The following ASS1 variants were observed in gnomAD, a reference collection of about 807,000 sequenced individuals.
ASS1 encodes the protein argininosuccinate synthase.
Under a neutral mutation model 60.5 loss-of-function variants are expected in ASS1, and 58 were observed. The ratio of observed to expected loss-of-function variants is 0.96; its 90% confidence interval spans 0.78 to 1.19. ASS1 has a LOEUF of 1.19. Among genes scored for constraint, ASS1 ranks in the 50% most tolerant of loss-of-function variants. ASS1 has a pLI of 0.00. For synonymous variants in ASS1, 200 were observed against 206.9 expected, an observed-to-expected ratio of 0.97 and a Z score of 0.29; for missense variants, 454 against 547.3, an observed-to-expected ratio of 0.83 and a Z score of 1.70.
intron 4 of ASS1, among the ~76,000 whole-genome samples, chr9:130,461,578 T>G (rs1359138416): frequency 6.6e-6 from 1 of 152,184 alleles, no homozygotes; most frequent in Non-Finnish European, 1.5e-5. Context: ...AGGTGCTACC[T>G]GGCACAGCCA....
chr9:130,475,355 T>A (rs182251800), intron 8 of ASS1, among the ~76,000 whole-genome samples: 1 of 152,284 alleles, frequency 6.6e-6, no homozygotes. Flanking sequence ...TTAAAAAATA[T>A]ATATATACTA....
At chr9:130,498,156 C>G (rs901044762) in intron 13 of ASS1, among the ~76,000 whole-genome samples, 5 of 152,298 alleles carry the variant, frequency 3.3e-5, no homozygotes, top group African/African-American at 1.2e-4. Flanking sequence ...GCAGAGACCT[C>G]ATTTGTTCTT....
intron 5 of ASS1, among the ~76,000 whole-genome samples, chr9:130,464,714 A>G (rs1588481329): frequency 6.6e-6 from 1 of 151,894 alleles, no homozygotes; most frequent in Non-Finnish European, 1.5e-5. Flanking sequence ...GTGGCATGTC[A>G]CCCAGGCAGG....
intron 8 of ASS1, among the ~76,000 whole-genome samples, chr9:130,473,351 T>A (rs1304282128): frequency 6.6e-6 from 1 of 152,158 alleles, no homozygotes; most frequent in Non-Finnish European, 1.5e-5. Flanking sequence ...GGTCCCATGC[T>A]ACCTCTTCAT....
rs780436694 is a variant in ASS1, at chr9:130,470,868, A to G, written c.530A>G (p.Asn177Ser). 19 of 1,614,032 alleles carry G rather than the reference A, an allele frequency of 1.2e-5. 1 individual carries two copies. In the South Asian group the frequency reaches 2.0e-4, roughly 17 times the overall value. The change falls in exon 7 of 15, where the codon AAC (asparagine) becomes AGC (serine). Residue 177 changes from asparagine to serine, a missense_variant. By Grantham distance (46) the Asn-to-Ser change is conservative. Coordinates refer to ENST00000352480, the MANE Select transcript of ASS1 (RefSeq NM_054012.4). This position sits in a 1 kb window ranked among gnomAD's most constrained non-coding sequence, Gnocchi z 4.3. ...ATTCCCATCCCGGTCACTCCCAAGA[A>G]CCCGTGGAGCATGGATGAGAACCTC... is the stretch of plus-strand genomic sequence containing the variant. Reference protein sequence around the residue: ...HGIPIPVTPKNPWSMDENLMH... With the variant: ...HGIPIPVTPKSPWSMDENLMH...
chr9:130,485,965 T>C lies in ASS1; in HGVS notation c.839-3368T>C, dbSNP rs761909042. 1.4e-4 allele frequency among the ~76,000 whole-genome samples: 22 copies of C among 152,264 alleles called. No homozygotes were observed. In the East Asian group the frequency reaches 3.3e-3, roughly 23 times the overall value. Reference sequence around the variant, plus strand: ...TCTGGTGGCTTTTTTGGCACTGTCATGTTTGTGTGCGGTCATCATGTTTTG... The same window carrying C: ...TCTGGTGGCTTTTTTGGCACTGTCACGTTTGTGTGCGGTCATCATGTTTTG... On this transcript the variant is annotated intron_variant, in intron 11 of 14. Coordinates refer to ENST00000352480, the MANE Select transcript of ASS1 (RefSeq NM_054012.4).
chr9:130,495,573 G>T, intron 13 of ASS1, among the ~76,000 whole-genome samples: 1 of 151,824 alleles, frequency 6.6e-6, no homozygotes, highest in East Asian at 1.9e-4. Flanking sequence ...GGAGTTAACA[G>T]GTGAATGGGG....
intron 1 of ASS1, among the ~76,000 whole-genome samples, chr9:130,451,351 G>A (rs1845321380): frequency 6.6e-6 from 1 of 152,190 alleles, no homozygotes; most frequent in South Asian, 2.1e-4. Flanking sequence ...AAGGGCCGCT[G>A]GTTGCAGAGG....
At chr9:130,453,488 G>A (rs1397803854) in intron 2 of ASS1, among the ~76,000 whole-genome samples, 2 of 152,276 alleles carry the variant, frequency 1.3e-5, no homozygotes, top group East Asian at 1.9e-4. Context: ...CAGTCACCTG[G>A]TGGGTGAGAG....
rs1464044573 is a variant in ASS1 at position 130,458,496 on chromosome 9, C to T, written c.270C>T (p.Gly90=). The change falls in exon 4 of 15, where the codon GGC becomes GGT. Residue 90 remains glycine, a synonymous_variant. Coordinates refer to ENST00000352480, the MANE Select transcript of ASS1 (RefSeq NM_054012.4). ...SALYEDRYLL[G]TSLARPCIAR... ...TGTATGAGGACCGCTACCTCCTGGG[C>T]ACCTCTCTTGCCAGGCCCTGCATCG... 6 of 1,612,718 alleles carry T rather than the reference C, an allele frequency of 3.7e-6. No homozygotes were observed. Among genetic ancestry groups the T allele is most frequent in the Middle Eastern group, 1.9e-4 (1 of 5,136 alleles).
chr9:130,471,497 A>G lies in ASS1; in HGVS notation c.579A>G (p.Gly193=). The G allele has an allele frequency of 6.2e-7, 1 of 1,614,120 alleles. No homozygotes were observed. Among genetic ancestry groups the G allele is most frequent in the Non-Finnish European group, 8.5e-7 (1 of 1,179,984 alleles). ...TTCCCCTCCGCAGCTACGAGGCTGG[A>G]ATCCTGGAGAACCCCAAGGTAATCC... ...ENLMHISYEA[G]ILENPKNQAP... The change falls in exon 8 of 15, where the codon GGA becomes GGG. Residue 193 remains glycine (G), a synonymous_variant. Coordinates refer to ENST00000352480, the MANE Select transcript of ASS1 (RefSeq NM_054012.4).
At chr9:130,466,003 G>A (rs1289348971) in intron 5 of ASS1, among the ~76,000 whole-genome samples, 1 of 152,198 alleles carries the variant, frequency 6.6e-6, no homozygotes, top group Non-Finnish European at 1.5e-5. Context: ...TAGGGCTGTG[G>A]TCTTCCCATG....
rs2131879680 is a variant in ASS1 at position 130,464,113 on chromosome 9, G to T, written c.366G>T (p.Gly122=). The stretch of plus-strand genomic sequence containing the variant: ...CAGCCCTCTGTTCTGCATTGCAGGG[G>T]AACGATCAGGTCCGGTTTGAGCTCA... ...KYVSHGATGK[G]NDQVRFELSC... Residue 122 remains glycine (G), a splice_region_variant and synonymous_variant, in exon 5 of 15, where the codon GGG becomes GGT. Coordinates refer to ENST00000352480, the MANE Select transcript of ASS1 (RefSeq NM_054012.4). The T allele has an allele frequency of 1.9e-6, 3 of 1,614,166 alleles. No homozygotes were observed. Among genetic ancestry groups the T allele is most frequent in the East Asian group, 2.2e-5 (1 of 44,870 alleles).
chr9:130,462,101 C>A (rs1465933164), intron 4 of ASS1, among the ~76,000 whole-genome samples: 1 of 152,196 alleles, frequency 6.6e-6, no homozygotes, highest in Non-Finnish European at 1.5e-5. Context: ...CACCCCTGCC[C>A]ACCCAGAGAG....
chr9:130,448,054 C>T (rs1299121793), intron 1 of ASS1, among the ~76,000 whole-genome samples: 3 of 151,742 alleles, frequency 2.0e-5, no homozygotes, highest in Non-Finnish European at 2.9e-5. Context: ...CTGGAGTGAG[C>T]GCTCACTGGA....
At chr9:130,454,935 A>G (rs1419473944) in intron 3 of ASS1, among the ~76,000 whole-genome samples, 1 of 148,502 alleles carries the variant, frequency 6.7e-6, no homozygotes, top group Non-Finnish European at 1.5e-5. Flanking sequence ...CCATCCATTC[A>G]TCCATCCATC....
intron 6 of ASS1, among the ~76,000 whole-genome samples, chr9:130,469,109 G>A (rs1845813052): frequency 1.3e-5 from 2 of 152,188 alleles, no homozygotes; most frequent in African/African-American, 4.8e-5. Flanking sequence ...GAGCCTGGCC[G>A]GCTGCTCTTC....
chr9:130,471,291 C>A (rs1208772983), intron 7 of ASS1, among the ~76,000 whole-genome samples, 194 bp from the exon 8 acceptor site: 2 of 152,210 alleles, frequency 1.3e-5, no homozygotes, highest in African/African-American at 4.8e-5. Context: ...AAGGCCCCAG[C>A]TCTTTCTTAC....
At chr9:130,500,835 G>A in intron 14 of ASS1, 141 bp from the exon 15 acceptor site, 1 of 784,730 alleles carries the variant, frequency 1.3e-6, no homozygotes, top group East Asian at 2.7e-5. Flanking sequence ...GGGCGGGAGA[G>A]GGAATAGAAA....
Sources: allele counts gnomAD v4.1 joint callset (sites outside exome capture counted in the v4.1 genomes callset), GRCh38; gene constraint gnomAD v4.1.1; non-coding constraint Gnocchi (gnomAD v3.1); transcripts MANE v1.5; gene names NCBI Gene and HGNC (gene_info 2026-07-23, HGNC 2026-07-21).